The following CDADC1 variants were observed in gnomAD, a reference collection of about 807,000 sequenced individuals.
CDADC1 encodes cytidine and dCMP deaminase domain containing 1, also known as dCTP deaminase.
CDADC1 carries 39 observed loss-of-function variants against 54.9 expected under a neutral mutation model. The ratio of observed to expected loss-of-function variants is 0.71; its 90% CI spans 0.55 to 0.93. The LOEUF (loss-of-function observed/expected upper bound fraction) is 0.93, where lower values mean the gene tolerates loss of function less well. Among genes scored for constraint, CDADC1 ranks in the 40% least tolerant of loss-of-function variants. The probability of loss-of-function intolerance (pLI) is 0.00; values close to 1 mark genes in which losing one functional copy is unlikely to be tolerated. For missense variants in CDADC1, 518 were observed against 618.8 expected (o/e 0.84, Z 1.73); for synonymous variants, 186 against 204.0 (o/e 0.91, Z 0.75).
intron 8 of CDADC1, among the ~76,000 whole-genome samples, chr13:49,282,236 G>GTTTTTTTTTTTTTTTTTTTTT (rs759792512): frequency 2.1e-4 from 20 of 94,138 alleles, no homozygotes; most frequent in African/African-American, 2.9e-4. Flanking sequence ...GTTTTTGTGG[G>GTTTTTTTTTTTTTTTTTTTTT]TTTTTTTTTT....
intron 4 of CDADC1, chr13:49,266,130 A>C: frequency 4.2e-6 from 1 of 240,666 alleles, no homozygotes; most frequent in Non-Finnish European, 8.2e-6. Context: ...AGGGTAGAAC[A>C]CTCTGTGGGC....
intron 5 of CDADC1, among the ~76,000 whole-genome samples, chr13:49,270,584 T>C (rs1952942533): frequency 6.6e-6 from 1 of 152,206 alleles, no homozygotes; most frequent in Admixed American, 6.5e-5. Flanking sequence ...TCTGGGACAG[T>C]ACCCTGTAAT....
In CDADC1 at chr13:49,251,202, G is replaced by A. The variant is rs563705813; in HGVS notation, c.177+2237G>A. Among the ~76,000 whole-genome samples, 17 of 152,208 alleles carry A rather than the reference G, an allele frequency of 1.1e-4. No homozygotes were observed. The East Asian group carries it at 2.7e-3, about 24-fold the overall frequency. ...AGGCAGGCAGATCACAAGGTCAAGA[G>A]ATCGAGACCATCTTGGCCAACATGG... is the stretch of plus-strand genomic sequence containing the variant. On this transcript the variant is annotated intron_variant, in intron 2 of 9. Transcript: ENST00000251108.
Position 49,267,605 on chromosome 13 carries a change from A to C in CDADC1, c.546A>C (p.Ser182=). Residue 182 remains serine (S), a synonymous_variant, in exon 5 of 10, where the codon TCA becomes TCC. Coordinates refer to ENST00000251108, the MANE Select transcript of CDADC1 (RefSeq NM_030911.4). ...CCAAAGCAGTGGAAAGATTGAAGTC[A>C]AACAGTCGGGCCCATGTGTGTGTCT... ...LDAKAVERLK[S]NSRAHVCVLL... is the part of the protein sequence containing the mutation. 1 of 1,614,188 alleles carries C rather than the reference A, an allele frequency of 6.2e-7. No individual in the cohort carries two copies. The highest frequency in any genetic ancestry group is 8.5e-7 in the Non-Finnish European group (1 of 1,180,028).
In CDADC1 at chr13:49,292,204, G is replaced by C. The variant is rs1354106872; in HGVS notation, c.*447G>C. ...TAAGTGTCATCTTTTAAGAGTCAGTGTATAGCAAACCAAAAGATCACATTT... is the reference window on the plus strand; with the variant it reads ...TAAGTGTCATCTTTTAAGAGTCAGTCTATAGCAAACCAAAAGATCACATTT... On this transcript the variant is annotated 3_prime_UTR_variant, in exon 10 of 10. Transcript: ENST00000251108. The C allele has an allele frequency of 2.9e-5, 29 of 991,346 alleles. No individual in the cohort carries two copies. Among genetic ancestry groups the C allele is most frequent in the Non-Finnish European group, 3.5e-5 (29 of 831,888 alleles). The allele number at this position is 991,346 out of a possible 1,614,324, so 61.4% of individuals were successfully genotyped here.
chr13:49,266,878 C>G (rs1952827848), intron 4 of CDADC1, among the ~76,000 whole-genome samples: 1 of 152,102 alleles, frequency 6.6e-6, no homozygotes, highest in African/African-American at 2.4e-5. Flanking sequence ...AGATAGAAAA[C>G]TAGGCAATAT....
chr13:49,266,846 G>T (rs1200838563), intron 4 of CDADC1, among the ~76,000 whole-genome samples: 1 of 152,178 alleles, frequency 6.6e-6, no homozygotes, highest in Non-Finnish European at 1.5e-5. Flanking sequence ...CATTTTTAAT[G>T]CATGGAAGAG....
rs1368622813 is a variant in CDADC1, at chr13:49,274,670, CA to C, written c.1050+343del. On this transcript the variant is annotated intron_variant, in intron 6 of 9. Transcript: ENST00000251108. ...TGGGTGACAGAGCGAGACTCCGTCT[CA>C]AAAAAAAAAAAATATTAATATTTTT... Among the ~76,000 whole-genome samples, 694 of 139,566 alleles carry C rather than the reference CA, an allele frequency of 5.0e-3. 1 individual carries two copies. The highest frequency in any genetic ancestry group is 0.014 in the Middle Eastern group (4 of 280). 91.6% of individuals were successfully genotyped at this position (139,566 alleles called of 152,430 possible).
chr13:49,278,261 T>C, intron 6 of CDADC1, 89 bp from the exon 7 acceptor site: 1 of 946,724 alleles, frequency 1.1e-6, no homozygotes, highest in East Asian at 2.6e-5. Context: ...ATATTCATTA[T>C]ACAAAGTATG....
At chr13:49,252,542 T>C (rs1377392065) in intron 2 of CDADC1, among the ~76,000 whole-genome samples, 3 of 152,254 alleles carry the variant, frequency 2.0e-5, no homozygotes, top group African/African-American at 7.2e-5. Context: ...TCTTCTGATA[T>C]CATGGCCATT....
In CDADC1 at chr13:49,266,270, A is replaced by G. The variant is rs577142137; in HGVS notation, c.431-1220A>G. 2.6e-5 allele frequency among the ~76,000 whole-genome samples: 4 copies of G among 152,348 alleles called. No homozygotes were observed. In the South Asian group the frequency reaches 8.3e-4, roughly 32 times the overall value. On this transcript the variant is annotated intron_variant, in intron 4 of 9. Coordinates refer to ENST00000251108, the MANE Select transcript of CDADC1 (RefSeq NM_030911.4). ...TAATTGACGAACATTTGTGTACTTA[A>G]CTATGTATAAGGCATCTCATCGTTC...
chr13:49,248,190 TC>T, intron 1 of CDADC1, 71 bp downstream of exon 1: 1 of 1,321,050 alleles, frequency 7.6e-7, no homozygotes, highest in Non-Finnish European at 1.1e-6. Flanking sequence ...GTCATTGAAC[TC>T]CAGATTCCTT....
intron 4 of CDADC1, among the ~76,000 whole-genome samples, chr13:49,261,524 A>C (rs1461614799): frequency 6.6e-6 from 1 of 152,216 alleles, no homozygotes; most frequent in African/African-American, 2.4e-5. Context: ...ATGTAACGTG[A>C]TTGAAATTTT....
Position 49,277,073 on chromosome 13 carries a change from CAATT to C in CDADC1, c.1051-1273_1051-1270del, listed in dbSNP as rs1953162530. On this transcript the variant is annotated intron_variant, in intron 6 of 9. Coordinates refer to ENST00000251108, the MANE Select transcript of CDADC1 (RefSeq NM_030911.4). ...TACTTACTCATTTTGTGACCCTAGA[CAATT>C]AATCACTCTTGTCCTCAGTTTCCTT... Among the ~76,000 whole-genome samples the C allele has an allele frequency of 2.0e-5, 3 of 152,272 alleles. No homozygotes were observed. The South Asian group carries it at 6.2e-4, about 32-fold the overall frequency.
At chr13:49,266,291 C>T (rs774610773) in intron 4 of CDADC1, among the ~76,000 whole-genome samples, 8 of 152,146 alleles carry the variant, frequency 5.3e-5, no homozygotes, top group Non-Finnish European at 8.8e-5. Flanking sequence ...GGCATCTCAT[C>T]GTTCAATTTC....
At position 49,280,539 on chromosome 13, in the gene CDADC1, C is replaced by T. The variant is rs757756154; in HGVS notation, c.1251C>T (p.Ser417=). The T allele has an allele frequency of 2.1e-6, 3 of 1,450,464 alleles. No individual in the cohort carries two copies. The allele number at this position is 1,450,464 out of a possible 1,614,324, so 89.8% of individuals were successfully genotyped here. A position where few individuals can be genotyped will look rare whatever the true frequency, so the allele number is the denominator to read the frequency against. ...AAGAAATAAAACCAGAAGAAAGAAG[C>T]ATGATTTTTGTGACAAAGTGCCCAT... The part of the protein sequence containing the change: ...RCQEIKPEER[S]MIFVTKCPCD... Residue 417 remains serine, a synonymous_variant, in exon 8 of 10, where the codon AGC becomes AGT. Transcript: ENST00000251108.
At chr13:49,255,999 C>A in intron 3 of CDADC1, 86 bp downstream of exon 3, 1 of 1,509,928 alleles carries the variant, frequency 6.6e-7, no homozygotes, top group Non-Finnish European at 8.8e-7. Context: ...GCCTCCATTT[C>A]TACTATCAAG....
chr13:49,273,223 T>G (rs1246163979), intron 5 of CDADC1, among the ~76,000 whole-genome samples: 1 of 152,208 alleles, frequency 6.6e-6, no homozygotes, highest in Non-Finnish European at 1.5e-5. Flanking sequence ...GGAAAGTAGG[T>G]ATTTAAAAAT....
chr13:49,280,953 C>T (rs991931445), intron 8 of CDADC1, among the ~76,000 whole-genome samples: 52 of 151,784 alleles, frequency 3.4e-4, no homozygotes, highest in African/African-American at 1.2e-3. Flanking sequence ...CCTGTCTCAG[C>T]CCCCCGAGTA....
Sources: allele counts gnomAD v4.1 joint callset (sites outside exome capture counted in the v4.1 genomes callset), GRCh38; gene constraint gnomAD v4.1.1; transcripts MANE v1.5; gene names NCBI Gene and HGNC (gene_info 2026-07-23, HGNC 2026-07-21).